The following FOCAD variants were observed in gnomAD, a reference collection of about 807,000 sequenced individuals.
The protein encoded by FOCAD is focadhesin, also known as KIAA1797.
A neutral mutation model predicts 225.6 loss-of-function variants in FOCAD; 198 were observed. The ratio of observed to expected loss-of-function variants is 0.88; its 90% CI spans 0.78 to 0.99. The LOEUF is 0.99. Among genes scored for constraint, FOCAD ranks in the 50% least tolerant of loss-of-function variants. The probability of loss-of-function intolerance (pLI) is 0.00; values close to 1 mark genes in which losing one functional copy is unlikely to be tolerated. For synonymous variants in FOCAD, 897 were observed against 755.0 expected (o/e 1.19, Z -3.08); for missense variants, 2,713 against 2,123.6 (o/e 1.28, Z -5.46).
intron 8 of FOCAD, among the ~76,000 whole-genome samples, chr9:20,776,273 C>T (rs1040972339): frequency 2.6e-5 from 4 of 152,182 alleles, no homozygotes; most frequent in East Asian, 1.9e-4. Flanking sequence ...TTCTAGAGTG[C>T]GCTATTCTGG....
At chr9:20,678,591 G>A (rs957033227) in intron 2 of FOCAD, among the ~76,000 whole-genome samples, 1 of 152,202 alleles carries the variant, frequency 6.6e-6, no homozygotes, top group Non-Finnish European at 1.5e-5. Context: ...TCACAGTGCT[G>A]CAGGAGGCCG....
intron 30 of FOCAD, among the ~76,000 whole-genome samples, chr9:20,947,637 G>A (rs1254307292): frequency 6.6e-6 from 1 of 151,828 alleles, no homozygotes. Flanking sequence ...CAGTAAAGAT[G>A]ATAAATTTTA....
intron 24 of FOCAD, among the ~76,000 whole-genome samples, chr9:20,919,042 C>G (rs1282962161): frequency 6.6e-6 from 1 of 151,482 alleles, no homozygotes; most frequent in Non-Finnish European, 1.5e-5. Context: ...AAGTGACATA[C>G]CAATCATGGG....
chr9:20,768,038 C>A (rs7389361), intron 7 of FOCAD, among the ~76,000 whole-genome samples: 47,336 of 149,380 alleles, frequency 0.32, 7,853 homozygotes, highest in East Asian at 0.46. Context: ...ACAGCTTTCT[C>A]CATATGGCTA....
chr9:20,749,885 T>G (rs1828389032), intron 5 of FOCAD, among the ~76,000 whole-genome samples: 1 of 152,164 alleles, frequency 6.6e-6, no homozygotes. Flanking sequence ...AGGATTGATG[T>G]GTTTATACTT....
chr9:20,679,245 T>C (rs1469004816), intron 2 of FOCAD, among the ~76,000 whole-genome samples: 2 of 151,934 alleles, frequency 1.3e-5, no homozygotes, highest in East Asian at 1.9e-4. Flanking sequence ...GAACTTTCGC[T>C]TTTACTTAGA....
chr9:20,753,807 A>G (rs529606024), intron 5 of FOCAD, among the ~76,000 whole-genome samples: 1 of 150,400 alleles, frequency 6.6e-6, no homozygotes, highest in South Asian at 2.1e-4. Context: ...AATAATAACG[A>G]TGATAATGTG....
chr9:20,851,114 C>G (rs925893748), intron 15 of FOCAD, among the ~76,000 whole-genome samples: 25 of 151,032 alleles, frequency 1.7e-4, no homozygotes, highest in African/African-American at 5.8e-4. Context: ...TTTGTCTTGT[C>G]TATCTCTAGT....
chr9:20,774,501 C>G (rs1818564066), intron 8 of FOCAD, among the ~76,000 whole-genome samples: 1 of 152,162 alleles, frequency 6.6e-6, no homozygotes. Flanking sequence ...CAATAACCTA[C>G]TAGTTGGTTA....
In FOCAD at chr9:20,764,930, T is replaced by A. The variant is rs1374192588; in HGVS notation, c.556T>A (p.Ser186Thr). ...PFLWYLYCEPSQLQEYAKLRL... is the reference protein window; with the variant it reads ...PFLWYLYCEPTQLQEYAKLRL... ...TCTGTGGTATCTGTATTGTGAACCA[T>A]CTCAGTTACAAGAATATGCTAAACT... The change falls in exon 7 of 44, where the codon TCT becomes ACT. Residue 186 changes from serine to threonine, a missense_variant. Transcript: ENST00000338382. 3.1e-6 allele frequency: 5 copies of A among 1,614,030 alleles called. No homozygotes were observed. The highest frequency in any genetic ancestry group is 1.3e-5 in the African/African-American group (1 of 74,934).
At chr9:20,881,060 ACAAG>A (rs1830628795) in intron 19 of FOCAD, among the ~76,000 whole-genome samples, 1 of 152,216 alleles carries the variant, frequency 6.6e-6, no homozygotes, top group Non-Finnish European at 1.5e-5. Context: ...TAGAAAGAAC[ACAAG>A]CAAAGATAGT....
intron 34 of FOCAD, among the ~76,000 whole-genome samples, chr9:20,952,196 T>C (rs1333398934): frequency 6.6e-6 from 1 of 152,196 alleles, no homozygotes; most frequent in Non-Finnish European, 1.5e-5. Flanking sequence ...AGGCTTTTAA[T>C]TGCCATATTA....
At chr9:20,967,212 C>G (rs546875372) in intron 35 of FOCAD, among the ~76,000 whole-genome samples, 5 of 152,160 alleles carry the variant, frequency 3.3e-5, no homozygotes, top group Admixed American at 3.3e-4. Flanking sequence ...ATATTCTAAA[C>G]TTTTCGGTGT....
intron 2 of FOCAD, among the ~76,000 whole-genome samples, chr9:20,666,308 G>C (rs932812141): frequency 6.6e-6 from 1 of 152,008 alleles, no homozygotes; most frequent in African/African-American, 2.4e-5. Context: ...GCAGTGTCTT[G>C]CCCTGTAATC....
chr9:20,815,153 T>TTTTTTTTTTTTTTTTTTTTTTTTTC, intron 11 of FOCAD, among the ~76,000 whole-genome samples: 1 of 138,672 alleles, frequency 7.2e-6, no homozygotes, highest in Non-Finnish European at 1.6e-5. Flanking sequence ...TTTTTTTTTT[T>TTTTTTTTTTTTTTTTTTTTTTTTTC]TGAGACAGTC....
At chr9:20,903,259 T>C (rs982048717) in intron 21 of FOCAD, among the ~76,000 whole-genome samples, 6 of 152,078 alleles carry the variant, frequency 3.9e-5, no homozygotes, top group Non-Finnish European at 8.8e-5. Flanking sequence ...GTCTTATATA[T>C]TGGCATTTTA....
intron 4 of FOCAD, among the ~76,000 whole-genome samples, chr9:20,728,032 A>T (rs1334282971): frequency 6.6e-6 from 1 of 152,250 alleles, no homozygotes; most frequent in Non-Finnish European, 1.5e-5. Context: ...AGGGAATCTG[A>T]TACATGTTAT....
intron 2 of FOCAD, among the ~76,000 whole-genome samples, chr9:20,665,176 C>G (rs992916835): frequency 2.6e-5 from 4 of 151,994 alleles, no homozygotes; most frequent in African/African-American, 4.8e-5. Context: ...AAAGAAAAAC[C>G]TTGCTTGAAG....
At chr9:20,972,717 T>C (rs1839869646) in intron 35 of FOCAD, among the ~76,000 whole-genome samples, 2 of 152,208 alleles carry the variant, frequency 1.3e-5, no homozygotes, top group South Asian at 4.1e-4. Flanking sequence ...CTGTTAATTC[T>C]GTTTCTTTTT....
Sources: allele counts gnomAD v4.1 joint callset (sites outside exome capture counted in the v4.1 genomes callset), GRCh38; gene constraint gnomAD v4.1.1; transcripts MANE v1.5; gene names NCBI Gene and HGNC (gene_info 2026-07-23, HGNC 2026-07-21).